SLC13A3: variants seen among roughly 807,000 people sequenced by gnomAD.
The protein encoded by SLC13A3 is Na(+)/dicarboxylate cotransporter 3.
Under a neutral mutation model 59.0 loss-of-function variants are expected in SLC13A3, and 40 were observed. The observed-to-expected ratio is 0.68, with a 90% CI of 0.53 to 0.88. SLC13A3 has a LOEUF of 0.88. SLC13A3 is among the 40% of genes least tolerant of loss of function. The pLI is 0.00. For synonymous variants in SLC13A3, 317 were observed against 330.3 expected, an observed-to-expected ratio of 0.96 and a Z score of 0.44; for missense variants, 699 against 783.2, an observed-to-expected ratio of 0.89 and a Z score of 1.28.
intron 9 of SLC13A3, among the ~76,000 whole-genome samples, chr20:46,576,124 C>G (rs439143): frequency 1.3e-5 from 2 of 151,774 alleles, no homozygotes; most frequent in African/African-American, 4.8e-5. Flanking sequence ...TATTTCCTCG[C>G]AAGTGGCAGC....
intron 1 of SLC13A3, among the ~76,000 whole-genome samples, chr20:46,624,350 C>T (rs1476360215): frequency 1.3e-5 from 2 of 152,228 alleles, no homozygotes; most frequent in Admixed American, 6.5e-5. Flanking sequence ...ACAACTGTAC[C>T]TGTGTATTAT....
At chr20:46,591,509 C>T (rs1211738434) in intron 6 of SLC13A3, among the ~76,000 whole-genome samples, 1 of 152,120 alleles carries the variant, frequency 6.6e-6, no homozygotes, top group Non-Finnish European at 1.5e-5. Context: ...TATATTTTGG[C>T]TAGTTATCAT....
chr20:46,647,271 C>T (rs2062904495), intron 1 of SLC13A3, among the ~76,000 whole-genome samples: 1 of 152,200 alleles, frequency 6.6e-6, no homozygotes, highest in African/African-American at 2.4e-5. Context: ...TCTTTAGAGT[C>T]ACCTGTGAGT....
chr20:46,582,058 C>T (rs544249475), intron 9 of SLC13A3, among the ~76,000 whole-genome samples: 1 of 152,196 alleles, frequency 6.6e-6, no homozygotes, highest in African/African-American at 2.4e-5. Flanking sequence ...AAGGCAGAGA[C>T]GGGAGGGTCA....
Position 46,575,664 on chromosome 20 carries a change from G to A in SLC13A3, c.1241C>T (p.Pro414Leu), listed in dbSNP as rs748581374. Residue 414 changes from proline to leucine, a missense_variant, in exon 10 of 13, where the codon CCC (proline) becomes CTC (leucine). Physicochemically the swap from Pro to Leu is moderately conservative, Grantham distance 98. Transcript: ENST00000279027. ...CTGGGCCTTCTTCCAGGTCAGCAAGGGCTCTGTCTCTGTGTTGGGAGCTGG... is the reference window on the plus strand; with the variant it reads ...CTGGGCCTTCTTCCAGGTCAGCAAGAGCTCTGTCTCTGTGTTGGGAGCTGG... The part of the protein sequence containing the change: ...DFKAPNTETE[P>L]LLTWKKAQET... 2 of 1,598,844 alleles carry A rather than the reference G, an allele frequency of 1.3e-6. No homozygotes were observed. The highest frequency in any genetic ancestry group is 3.4e-5 in the Admixed American group (2 of 58,246).
At chr20:46,631,633 C>T (rs901667545) in intron 1 of SLC13A3, among the ~76,000 whole-genome samples, 1 of 152,126 alleles carries the variant, frequency 6.6e-6, no homozygotes. Flanking sequence ...CCCGCTCACA[C>T]CCACCCAACC....
intron 8 of SLC13A3, 138 bp from the exon 9 acceptor site, chr20:46,583,807 TTC>T: frequency 6.8e-7 from 1 of 1,481,474 alleles, no homozygotes; most frequent in South Asian, 1.4e-5. Flanking sequence ...GGCCACTGGA[TTC>T]TGTCCTTCAG....
chr20:46,631,469 T>C (rs115659809), intron 1 of SLC13A3, among the ~76,000 whole-genome samples: 1,563 of 152,250 alleles, frequency 0.01, 32 homozygotes, highest in African/African-American at 0.035. Context: ...TGAAAGACCA[T>C]TGTGCCCTGG....
At position 46,559,994 on chromosome 20, in the gene SLC13A3, C is replaced by T. The variant is rs750348414; in HGVS notation, c.*28G>A. The T allele has an allele frequency of 3.0e-5, 49 of 1,607,294 alleles. No homozygotes were observed. Among genetic ancestry groups the T allele is most frequent in the Non-Finnish European group, 3.9e-5 (46 of 1,175,328 alleles). ...ATGGTGACAGCCCTTTGAGAGGGTT[C>T]AGCCTCAAGGGAGTCCTCCAGGGGG... On this transcript the variant is annotated 3_prime_UTR_variant, in exon 13 of 13. Transcript: ENST00000279027.
chr20:46,606,623 G>A (rs528223261), intron 3 of SLC13A3, among the ~76,000 whole-genome samples: 1 of 152,322 alleles, frequency 6.6e-6, no homozygotes, highest in East Asian at 1.9e-4. Context: ...AGGATCACTT[G>A]AGCCTGGGAG....
intron 6 of SLC13A3, among the ~76,000 whole-genome samples, chr20:46,592,031 ACT>A (rs3830812): frequency 0.05 from 7,552 of 151,708 alleles, 604 homozygotes; most frequent in African/African-American, 0.17. Flanking sequence ...ATATAGTGAG[ACT>A]CTGTCTCTAC....
intron 9 of SLC13A3, chr20:46,582,974 T>C (rs1339949570): frequency 2.0e-6 from 2 of 985,360 alleles, no homozygotes; most frequent in Admixed American, 6.1e-5. Context: ...TTAGGCAGTT[T>C]TTCCTCAGTC....
upstream of SLC13A3, among the ~76,000 whole-genome samples, chr20:46,674,603 G>GCGCGCGCGCGCGCGCGCA (rs1219232743): frequency 2.5e-5 from 1 of 39,756 alleles, no homozygotes; most frequent in African/African-American, 6.3e-5. Flanking sequence ...GCGCGCGCGC[G>GCGCGCGCGCGCGCGCGCA]CGTGTGTGTG....
At chr20:46,590,116 A>T (rs2062238469) in intron 6 of SLC13A3, among the ~76,000 whole-genome samples, 1 of 152,206 alleles carries the variant, frequency 6.6e-6, no homozygotes, top group South Asian at 2.1e-4. Context: ...TGGTGTTAGG[A>T]CACTGGGTGA....
At chr20:46,650,565 G>A (rs768691833) in intron 1 of SLC13A3, among the ~76,000 whole-genome samples, 8 of 152,176 alleles carry the variant, frequency 5.3e-5, no homozygotes, top group Non-Finnish European at 7.3e-5. Flanking sequence ...AGTTATAAGA[G>A]ATTTACATAT....
At chr20:46,679,608 C>T (rs931549982) in intron 1 of SLC13A3, among the ~76,000 whole-genome samples, 2 of 147,514 alleles carry the variant, frequency 1.4e-5, no homozygotes, top group Non-Finnish European at 3.0e-5. Context: ...AGCGAGACTC[C>T]GTCTCAAAAA....
chr20:46,563,570 GGAGAGACCCGGA>G lies in SLC13A3; in HGVS notation c.1495-31_1495-20del, dbSNP rs1365891988. On this transcript the variant is annotated intron_variant, in intron 11 of 12. Coordinates refer to ENST00000279027, the MANE Select transcript of SLC13A3 (RefSeq NM_022829.6). Reference sequence around the variant, plus strand: ...GGATGGCCTGGGCCAGGAAAAGGTGGGAGAGACCCGGAGAGAGACCAACGCAGAGCGACCACA... The same window carrying G: ...GGATGGCCTGGGCCAGGAAAAGGTGGGAGAGACCAACGCAGAGCGACCACA... 2.5e-6 allele frequency: 4 copies of G among 1,610,012 alleles called. No homozygotes were observed. The highest frequency in any genetic ancestry group is 3.4e-6 in the Non-Finnish European group (4 of 1,177,908).
intron 1 of SLC13A3, among the ~76,000 whole-genome samples, chr20:46,645,306 C>T (rs1057128103): frequency 2.0e-5 from 3 of 152,206 alleles, no homozygotes; most frequent in Admixed American, 2.0e-4. Context: ...CCTGGAAAGT[C>T]CCTTTTTTCC....
At chr20:46,614,399 C>T (rs113986342) in intron 1 of SLC13A3, among the ~76,000 whole-genome samples, 56 of 152,322 alleles carry the variant, frequency 3.7e-4, no homozygotes, top group African/African-American at 1.3e-3. Context: ...TCAGCACTTC[C>T]GGCATCCTTA....
Sources: gnomAD v4.1 joint callset for allele counts (sites outside exome capture counted in the v4.1 genomes callset) on GRCh38, gnomAD v4.1.1 for gene constraint, MANE v1.5 for transcripts, NCBI Gene and HGNC (gene_info 2026-07-23, HGNC 2026-07-21) for gene names.